Variants in DIP2C observed in about 807,000 individuals in gnomAD.
DIP2C encodes DIP2 acetate--CoA ligase C (putative).
DIP2C carries 33 observed loss-of-function variants against 192.4 expected under a neutral mutation model. The observed-to-expected ratio is 0.17, with a 90% CI of 0.13 to 0.23. The LOEUF is 0.23. Among genes scored for constraint, DIP2C ranks in the 10% least tolerant of loss-of-function variants. The probability of loss-of-function intolerance (pLI) is 1.00; values close to 1 mark genes in which losing one functional copy is unlikely to be tolerated. For missense variants in DIP2C, 1,537 were observed against 2,110.1 expected, an observed-to-expected ratio of 0.73 and a Z score of 5.32; for synonymous variants, 979 against 864.1, an observed-to-expected ratio of 1.13 and a Z score of -2.33.
At chr10:547,035 G>A (rs976060297) in intron 1 of DIP2C, among the ~76,000 whole-genome samples, 3 of 152,176 alleles carry the variant, frequency 2.0e-5, no homozygotes, top group Non-Finnish European at 4.4e-5. Context: ...TGGAAGAAGC[G>A]GTTCTGCAGG....
intron 10 of DIP2C, among the ~76,000 whole-genome samples, chr10:397,950 G>A (rs569545305): frequency 6.6e-6 from 1 of 152,242 alleles, no homozygotes; most frequent in East Asian, 1.9e-4. Context: ...AGACACAGTT[G>A]ACCAGCAATG....
At chr10:365,801 C>T (rs113971043) in intron 19 of DIP2C, among the ~76,000 whole-genome samples, 1,694 of 152,352 alleles carry the variant, frequency 0.011, 23 homozygotes, top group African/African-American at 0.036. Context: ...GTTACATACA[C>T]GTGTGCTCGA....
chr10:465,937 C>G (rs1386510174), intron 3 of DIP2C, among the ~76,000 whole-genome samples: 1 of 152,092 alleles, frequency 6.6e-6, no homozygotes, highest in Non-Finnish European at 1.5e-5. Context: ...TAGGAAGAAT[C>G]AATATCGTGA....
chr10:337,273 T>C (rs1189648057), intron 29 of DIP2C, among the ~76,000 whole-genome samples: 2 of 147,168 alleles, frequency 1.4e-5, no homozygotes, highest in South Asian at 2.2e-4. Context: ...GGCTGATGTG[T>C]GTGTGTGTTC....
chr10:612,708 G>A (rs1384653832), intron 1 of DIP2C, among the ~76,000 whole-genome samples: 1 of 152,206 alleles, frequency 6.6e-6, no homozygotes, highest in Non-Finnish European at 1.5e-5. Context: ...CGCCGACTGT[G>A]TCTAGAGAGC....
At chr10:588,982 T>C (rs1851247877) in intron 1 of DIP2C, among the ~76,000 whole-genome samples, 1 of 152,208 alleles carries the variant, frequency 6.6e-6, no homozygotes, top group South Asian at 2.1e-4. Flanking sequence ...CGGCTGCCTC[T>C]GTCCTCACCA....
chr10:469,387 G>A (rs1589864501), intron 3 of DIP2C, among the ~76,000 whole-genome samples: 1 of 150,546 alleles, frequency 6.6e-6, no homozygotes, highest in African/African-American at 2.5e-5. Flanking sequence ...TATGATCTCA[G>A]GTCACGGCAA....
At chr10:292,561 T>G (rs1955543115) in intron 32 of DIP2C, among the ~76,000 whole-genome samples, 1 of 152,204 alleles carries the variant, frequency 6.6e-6, no homozygotes, top group Admixed American at 6.5e-5. Context: ...AGCAACCTGT[T>G]TTGCTAGAAG....
intron 1 of DIP2C, among the ~76,000 whole-genome samples, chr10:680,377 T>C (rs987276774): frequency 2.0e-5 from 3 of 152,206 alleles, no homozygotes; most frequent in Non-Finnish European, 4.4e-5. Flanking sequence ...CTCCCAACAA[T>C]GGCAGGCTCG....
At chr10:580,580 G>T (rs1008841508) in intron 1 of DIP2C, among the ~76,000 whole-genome samples, 3 of 152,256 alleles carry the variant, frequency 2.0e-5, no homozygotes, top group Non-Finnish European at 2.9e-5. Flanking sequence ...CACATGTAGT[G>T]TACATACCTA....
At chr10:653,720 C>G (rs1014707490) in intron 1 of DIP2C, among the ~76,000 whole-genome samples, 1 of 152,226 alleles carries the variant, frequency 6.6e-6, no homozygotes, top group Non-Finnish European at 1.5e-5. Context: ...GGGTGGGGAA[C>G]AGACGGCCCA....
intron 1 of DIP2C, among the ~76,000 whole-genome samples, chr10:491,835 C>A (rs909967757): frequency 3.9e-5 from 6 of 152,222 alleles, no homozygotes; most frequent in East Asian, 3.8e-4. Context: ...GACTCATGAA[C>A]ACAGACCTGC....
intron 1 of DIP2C, among the ~76,000 whole-genome samples, chr10:591,465 C>G (rs1392326449): frequency 6.6e-6 from 1 of 152,188 alleles, no homozygotes; most frequent in Non-Finnish European, 1.5e-5. Context: ...CACACCCACT[C>G]CCCTATTTTG....
chr10:540,170 T>C (rs1312884293), intron 1 of DIP2C, among the ~76,000 whole-genome samples: 2 of 152,238 alleles, frequency 1.3e-5, no homozygotes, highest in Non-Finnish European at 2.9e-5. Context: ...GTTATAAAAA[T>C]GATGTGCGTG....
Position 356,201 on chromosome 10 carries a change from G to A in DIP2C, c.2985+225C>T, listed in dbSNP as rs182856300. On this transcript the variant is annotated intron_variant, in intron 24 of 36. Transcript: ENST00000280886. The stretch of plus-strand genomic sequence containing the variant: ...TTTGGGGGAGAAATATTGTAAATAG[G>A]TTGCTAAAATATCTGTACACACAAA... The A allele has an allele frequency of 8.2e-6, 5 of 608,750 alleles. No homozygotes were observed. The East Asian group carries it at 1.4e-4, about 17-fold the overall frequency. The allele number at this position is 608,750 out of a possible 1,614,324, so 37.7% of individuals were successfully genotyped here.
chr10:618,639 T>C (rs1255406117), intron 1 of DIP2C, among the ~76,000 whole-genome samples: 1 of 152,280 alleles, frequency 6.6e-6, no homozygotes, highest in Non-Finnish European at 1.5e-5. Flanking sequence ...AGACTTTGTT[T>C]GCTTTTATGC....
chr10:394,917 A>G (rs1490795270), intron 10 of DIP2C, among the ~76,000 whole-genome samples: 1 of 148,676 alleles, frequency 6.7e-6, no homozygotes, highest in African/African-American at 2.5e-5. Flanking sequence ...TATGCTGAAC[A>G]GGAAGGACAC....
At chr10:650,880 T>G (rs1227096156) in intron 1 of DIP2C, 1 of 717,320 alleles carries the variant, frequency 1.4e-6, no homozygotes, top group African/African-American at 1.7e-5. Flanking sequence ...AAACTCCCCC[T>G]GGGATTCGTG....
chr10:345,474 A>C (rs1564589977), intron 26 of DIP2C, among the ~76,000 whole-genome samples: 2 of 149,230 alleles, frequency 1.3e-5, no homozygotes, highest in African/African-American at 4.9e-5. Context: ...CGTCACACAC[A>C]CCCAGGCACA....
Sources: gnomAD v4.1 joint callset for allele counts (sites outside exome capture counted in the v4.1 genomes callset) on GRCh38, gnomAD v4.1.1 for gene constraint, MANE v1.5 for transcripts, NCBI Gene and HGNC (gene_info 2026-07-23, HGNC 2026-07-21) for gene names.